The following P3H2 variants were observed in gnomAD, a reference collection of about 807,000 sequenced individuals.
The protein encoded by P3H2 is prolyl 3-hydroxylase 2.
A neutral mutation model predicts 87.0 loss-of-function variants in P3H2; 80 were observed. That is an observed-to-expected ratio of 0.92 (90% CI 0.77 to 1.11). The LOEUF (loss-of-function observed/expected upper bound fraction) is 1.11. P3H2 is among the 50% of genes least tolerant of loss of function. The pLI is 0.00. For synonymous variants in P3H2, 367 were observed against 359.3 expected (o/e 1.02, Z -0.24); for missense variants, 1,001 against 923.9 (o/e 1.08, Z -1.08).
chr3:190,052,983 T>A (rs914357508), intron 1 of P3H2, among the ~76,000 whole-genome samples: 1 of 152,232 alleles, frequency 6.6e-6, no homozygotes, highest in Non-Finnish European at 1.5e-5. Flanking sequence ...TATAAAACTT[T>A]ATATGAAAAG....
At chr3:189,980,362 A>C (rs1254875073) in intron 8 of P3H2, among the ~76,000 whole-genome samples, 1 of 152,142 alleles carries the variant, frequency 6.6e-6, no homozygotes, top group East Asian at 1.9e-4. Flanking sequence ...CAGGAGTTCG[A>C]GGCCAGCCTG....
At chr3:190,122,095 C>T (rs28456189), upstream of P3H2, 1 of 92,056 alleles carries the variant, frequency 1.1e-5, no homozygotes, top group Non-Finnish European at 2.1e-5. Context: ...ACAAAAAAAA[C>T]AAAGAAAAAG....
intron 1 of P3H2, among the ~76,000 whole-genome samples, chr3:190,098,981 ATT>A (rs1474717558): frequency 6.6e-6 from 1 of 152,012 alleles, no homozygotes; most frequent in Non-Finnish European, 1.5e-5. Flanking sequence ...GTTTACTTTT[ATT>A]ACATTTGCAG....
rs1723788762 is a variant in P3H2 at position 189,988,895 on chromosome 3, T to G, written c.955+12A>C. ...CCCCCCAAGAAGTCTTCACGGATGA[T>G]CCACGCTTTACCTCGATAGTAGGCA... On this transcript the variant is annotated intron_variant, in intron 4 of 14. Transcript: ENST00000319332. The G allele has an allele frequency of 6.2e-7, 1 of 1,614,000 alleles. No individual in the cohort carries two copies. The highest frequency in any genetic ancestry group is 8.5e-7 in the Non-Finnish European group (1 of 1,179,968).
At chr3:190,025,329 T>C (rs1181353172) in intron 1 of P3H2, among the ~76,000 whole-genome samples, 1 of 152,216 alleles carries the variant, frequency 6.6e-6, no homozygotes, top group Non-Finnish European at 1.5e-5. Flanking sequence ...CAAGCTGCAT[T>C]ATCCCTCAAT....
chr3:189,989,183 A>G, intron 3 of P3H2, 145 bp from the exon 4 acceptor site: 2 of 972,918 alleles, frequency 2.1e-6, no homozygotes, highest in South Asian at 1.4e-5. Context: ...GGACTGCAAA[A>G]CCTTTTTACA....
intron 1 of P3H2, among the ~76,000 whole-genome samples, chr3:190,002,641 C>T (rs1406205168): frequency 1.3e-5 from 2 of 152,142 alleles, no homozygotes; most frequent in East Asian, 1.9e-4. Context: ...TCTCGTGATC[C>T]GCCCACCTTG....
chr3:190,061,456 G>T (rs1305898650), intron 1 of P3H2, among the ~76,000 whole-genome samples: 1 of 152,018 alleles, frequency 6.6e-6, no homozygotes, highest in Non-Finnish European at 1.5e-5. Context: ...GAAGGGTCCA[G>T]AATTACAAAG....
intron 1 of P3H2, among the ~76,000 whole-genome samples, chr3:190,038,057 TG>T (rs1223082335): frequency 1.3e-5 from 2 of 152,140 alleles, no homozygotes; most frequent in Non-Finnish European, 2.9e-5. Context: ...AATTAGAAGT[TG>T]GTATTGAGAT....
At chr3:190,005,481 A>G (rs1192155612) in intron 1 of P3H2, among the ~76,000 whole-genome samples, 1 of 152,252 alleles carries the variant, frequency 6.6e-6, no homozygotes, top group Non-Finnish European at 1.5e-5. Context: ...GAATGTACAA[A>G]TAAATTCTGT....
At chr3:189,992,132 T>C (rs1723898552) in intron 3 of P3H2, among the ~76,000 whole-genome samples, 1 of 152,230 alleles carries the variant, frequency 6.6e-6, no homozygotes, top group African/African-American at 2.4e-5. Flanking sequence ...TTCGCTCTTA[T>C]TGCCTAGGCT....
At chr3:190,108,115 A>G (rs1711921417) in intron 1 of P3H2, among the ~76,000 whole-genome samples, 1 of 151,832 alleles carries the variant, frequency 6.6e-6, no homozygotes, top group Non-Finnish European at 1.5e-5. Context: ...CCTAAAAATT[A>G]CCAGTATTTT....
At chr3:189,976,288 C>T (rs1723345553) in intron 8 of P3H2, among the ~76,000 whole-genome samples, 1 of 152,252 alleles carries the variant, frequency 6.6e-6, no homozygotes, top group African/African-American at 2.4e-5. Context: ...AAACACATAC[C>T]TGAGACTGGG....
chr3:189,964,452 C>T (rs12053941), intron 13 of P3H2, among the ~76,000 whole-genome samples: 10,999 of 152,206 alleles, frequency 0.072, 1,033 homozygotes, highest in East Asian at 0.32. Context: ...GCAAAGCATC[C>T]GGATACAAGG....
chr3:190,095,607 T>TC (rs1461420353), intron 1 of P3H2, among the ~76,000 whole-genome samples: 1 of 150,598 alleles, frequency 6.6e-6, no homozygotes, highest in African/African-American at 2.4e-5. Flanking sequence ...CTTTTTTTTT[T>TC]TTTTTTCCTT....
At chr3:189,992,282 G>A (rs1355701120) in intron 3 of P3H2, among the ~76,000 whole-genome samples, 1 of 152,092 alleles carries the variant, frequency 6.6e-6, no homozygotes, top group Non-Finnish European at 1.5e-5. Context: ...TTTTAGTAGA[G>A]ATGGGGTTTC....
In P3H2 at chr3:189,973,903, C is replaced by T. The variant is rs1723262672; in HGVS notation, c.1548+6G>A. On this transcript the variant is annotated splice_donor_region_variant and intron_variant, in intron 10 of 14. Transcript: ENST00000319332. ...AACTCAAACCCAAAAGAAGTTAAGA[C>T]TTTACTTTGAGTGCTTTCAGGACAG... The T allele has an allele frequency of 6.2e-7, 1 of 1,608,044 alleles. No homozygotes were observed. The highest frequency in any genetic ancestry group is 8.5e-7 in the Non-Finnish European group (1 of 1,174,516).
At chr3:190,101,163 G>A (rs1465894095) in intron 1 of P3H2, among the ~76,000 whole-genome samples, 1 of 151,570 alleles carries the variant, frequency 6.6e-6, no homozygotes, top group Non-Finnish European at 1.5e-5. Context: ...CTGTCCTCAG[G>A]CCTCCCTGTC....
intron 1 of P3H2, among the ~76,000 whole-genome samples, chr3:190,010,707 CTGTGGTTTTTG>C (rs1724559802): frequency 6.6e-6 from 1 of 152,186 alleles, no homozygotes; most frequent in Admixed American, 6.5e-5. Flanking sequence ...CCTACCCAGT[CTGTGGTTTTTG>C]TGATGGCTGC....
Sources: allele counts gnomAD v4.1 joint callset (sites outside exome capture counted in the v4.1 genomes callset), GRCh38; gene constraint gnomAD v4.1.1; transcripts MANE v1.5; gene names NCBI Gene and HGNC (gene_info 2026-07-23, HGNC 2026-07-21).